The following PEPD variants were observed in gnomAD, a reference collection of about 807,000 sequenced individuals.
The protein encoded by PEPD is peptidase D.
In PEPD, 53 loss-of-function variants were observed where a neutral mutation model predicts 60.7. That is an observed-to-expected ratio of 0.87 (90% CI 0.70 to 1.10). The LOEUF (loss-of-function observed/expected upper bound fraction) is 1.10. PEPD is among the 50% of genes least tolerant of loss of function. The pLI is 0.00. For synonymous variants in PEPD, 267 were observed against 284.1 expected (o/e 0.94, Z 0.60); for missense variants, 711 against 711.9 (o/e 1.00, Z 0.01).
At chr19:33,448,292 C>G (rs137865827) in intron 9 of PEPD, among the ~76,000 whole-genome samples, 1 of 152,194 alleles carries the variant, frequency 6.6e-6, no homozygotes, top group Non-Finnish European at 1.5e-5. Context: ...TCACTAGATG[C>G]GCCCAGGACT....
At chr19:33,464,597 T>A (rs1038379317) in intron 7 of PEPD, among the ~76,000 whole-genome samples, 1 of 151,974 alleles carries the variant, frequency 6.6e-6, no homozygotes, top group African/African-American at 2.4e-5. Flanking sequence ...GGTACAAATG[T>A]GGAAACAGCT....
chr19:33,465,021 C>T (rs1600137956), intron 7 of PEPD, among the ~76,000 whole-genome samples: 1 of 152,132 alleles, frequency 6.6e-6, no homozygotes, highest in African/African-American at 2.4e-5. Context: ...GGCCAAGATC[C>T]CTACTCTGTG....
intron 12 of PEPD, 95 bp downstream of exon 12, chr19:33,401,624 TCA>T: frequency 8.7e-7 from 1 of 1,154,994 alleles, no homozygotes; most frequent in Non-Finnish European, 1.3e-6. Flanking sequence ...CAGATTCAAG[TCA>T]CACAATGCAG....
At chr19:33,434,328 G>C (rs1246263854) in intron 9 of PEPD, among the ~76,000 whole-genome samples, 17 of 152,162 alleles carry the variant, frequency 1.1e-4, no homozygotes, top group Non-Finnish European at 1.5e-5. Context: ...AGGCAAAGGG[G>C]GAGTGTGGGG....
intron 6 of PEPD, among the ~76,000 whole-genome samples, chr19:33,478,589 C>T (rs1053529469): frequency 6.6e-6 from 1 of 152,072 alleles, no homozygotes; most frequent in African/African-American, 2.4e-5. Flanking sequence ...TAATTCATCA[C>T]TTACAAGGGA....
intron 9 of PEPD, among the ~76,000 whole-genome samples, chr19:33,449,918 C>T (rs1278636137): frequency 1.3e-5 from 2 of 152,176 alleles, no homozygotes; most frequent in Non-Finnish European, 2.9e-5. Flanking sequence ...GGGATGAATG[C>T]TTGCCTCTGG....
chr19:33,505,840 C>T (rs1179526361), intron 3 of PEPD, among the ~76,000 whole-genome samples: 1 of 133,146 alleles, frequency 7.5e-6, no homozygotes, highest in Non-Finnish European at 1.7e-5. Context: ...CACCCACACA[C>T]AACACAGCAT....
chr19:33,518,581 C>T (rs367922974), intron 1 of PEPD, among the ~76,000 whole-genome samples: 2 of 152,192 alleles, frequency 1.3e-5, no homozygotes, highest in Non-Finnish European at 2.9e-5. Context: ...TCCTACCCCT[C>T]GGAATTCTGT....
intron 9 of PEPD, among the ~76,000 whole-genome samples, chr19:33,446,125 T>C (rs369650711): frequency 1.1e-4 from 17 of 152,154 alleles, no homozygotes; most frequent in East Asian, 3.9e-4. Context: ...ATTACCTACT[T>C]AGAATTCCCC....
intron 6 of PEPD, among the ~76,000 whole-genome samples, chr19:33,482,583 G>A (rs916961809): frequency 1.3e-5 from 2 of 152,198 alleles, no homozygotes; most frequent in African/African-American, 4.8e-5. Flanking sequence ...ACTCTGTACT[G>A]GAGGTTCTAG....
rs759069264 is a variant in PEPD, at chr19:33,490,036, C to T, written c.463G>A (p.Gly155Ser). 4 of 1,612,442 alleles carry T rather than the reference C, an allele frequency of 2.5e-6. No individual in the cohort carries two copies. In the East Asian group the frequency reaches 6.7e-5, roughly 27 times the overall value. ...LTLRGVNTDS[G>S]SVCREASFDG... is the part of the protein sequence containing the mutation. ...AAGGAGGCCTCCCTGCAGACACTGC[C>T]GCTGTCCGTGTTGACGCCACGCTGG... Residue 155 changes from glycine (G) to serine (S), a missense_variant, in exon 6 of 15, where the codon GGC (glycine) becomes AGC (serine). Physicochemically the swap from Gly to Ser is moderately conservative, Grantham distance 56. Transcript: ENST00000244137.
intron 12 of PEPD, among the ~76,000 whole-genome samples, chr19:33,393,553 TCAAACAAA>T (rs10561733): frequency 2.1e-5 from 3 of 143,222 alleles, no homozygotes; most frequent in East Asian, 1.9e-4. Flanking sequence ...CTGCCGCTGG[TCAAACAAA>T]CAAACAGCCA....
At chr19:33,414,536 G>A (rs961632355) in intron 9 of PEPD, among the ~76,000 whole-genome samples, 1 of 152,112 alleles carries the variant, frequency 6.6e-6, no homozygotes, top group Non-Finnish European at 1.5e-5. Flanking sequence ...CTTTCCTGCC[G>A]GACCACAGCT....
chr19:33,430,822 C>T (rs542064236), intron 9 of PEPD, among the ~76,000 whole-genome samples: 2 of 152,264 alleles, frequency 1.3e-5, no homozygotes, highest in African/African-American at 4.8e-5. Flanking sequence ...CAGCTGCCAC[C>T]GAGGACGACA....
At chr19:33,447,890 T>C (rs997201198) in intron 9 of PEPD, among the ~76,000 whole-genome samples, 3 of 152,156 alleles carry the variant, frequency 2.0e-5, no homozygotes, top group Non-Finnish European at 4.4e-5. Context: ...AGGATGGCCT[T>C]GTGCGGGAGG....
chr19:33,405,476 C>T (rs913151454), intron 11 of PEPD, among the ~76,000 whole-genome samples: 1 of 152,242 alleles, frequency 6.6e-6, no homozygotes, highest in African/African-American at 2.4e-5. Flanking sequence ...GTGCAGCTGC[C>T]CTGGTCAGTG....
At chr19:33,481,229 GAAAC>G (rs142839797) in intron 6 of PEPD, among the ~76,000 whole-genome samples, 5,785 of 152,230 alleles carry the variant, frequency 0.038, 163 homozygotes, top group East Asian at 0.077. Flanking sequence ...TAACCTATTT[GAAAC>G]AAATCCCTAA....
intron 5 of PEPD, 116 bp downstream of exon 5, chr19:33,493,174 C>T: frequency 3.9e-6 from 3 of 772,718 alleles, no homozygotes; most frequent in Admixed American, 2.0e-5. Flanking sequence ...CTGGACCCAA[C>T]CCCTCTCCGT....
At chr19:33,387,791 A>G in intron 14 of PEPD, 99 bp downstream of exon 14, 1 of 1,024,020 alleles carries the variant, frequency 9.8e-7, no homozygotes, top group Admixed American at 2.0e-5. Flanking sequence ...CCTCAAGGGA[A>G]GATGTCACTA....
Sources: gnomAD v4.1 joint callset for allele counts (sites outside exome capture counted in the v4.1 genomes callset) on GRCh38, gnomAD v4.1.1 for gene constraint, MANE v1.5 for transcripts, NCBI Gene and HGNC (gene_info 2026-07-23, HGNC 2026-07-21) for gene names.